Variants in UBQLN1 observed in about 807,000 individuals in gnomAD.
The protein encoded by UBQLN1 is ubiquilin-1.
Under a neutral mutation model 65.4 loss-of-function variants are expected in UBQLN1, and 13 were observed. The observed-to-expected ratio is 0.20, with a 90% CI of 0.13 to 0.32. UBQLN1 has a LOEUF of 0.32. Ranked by LOEUF, UBQLN1 falls within the 10% of genes least tolerant of loss-of-function variation. The probability of loss-of-function intolerance (pLI) is 1.00; values close to 1 mark genes in which losing one functional copy is unlikely to be tolerated. For synonymous variants in UBQLN1, 267 were observed against 247.8 expected, an observed-to-expected ratio of 1.08 and a Z score of -0.73; for missense variants, 561 against 724.0, an observed-to-expected ratio of 0.77 and a Z score of 2.58.
At chr9:83,705,246 C>CTTTT (rs57550660) in intron 1 of UBQLN1, among the ~76,000 whole-genome samples, 5 of 129,484 alleles carry the variant, frequency 3.9e-5, no homozygotes, top group African/African-American at 1.2e-4. Context: ...GCCAGCACTC[C>CTTTT]TTTTTTTTTT....
chr9:83,675,461 A>G (rs926875240), intron 6 of UBQLN1, among the ~76,000 whole-genome samples: 2 of 139,016 alleles, frequency 1.4e-5, no homozygotes, highest in African/African-American at 5.4e-5. Context: ...CAGACTTCCT[A>G]TGCCGTCAAA....
At chr9:83,707,235 G>C (rs1385233872) in intron 1 of UBQLN1, among the ~76,000 whole-genome samples, 7 of 152,174 alleles carry the variant, frequency 4.6e-5, no homozygotes, top group Non-Finnish European at 1.0e-4. Context: ...GGAGGAGGCT[G>C]AGGGTCGGCG....
intron 4 of UBQLN1, among the ~76,000 whole-genome samples, chr9:83,678,846 T>C (rs936651629): frequency 1.3e-5 from 2 of 152,082 alleles, no homozygotes; most frequent in African/African-American, 4.8e-5. Context: ...GCCTCCCGAG[T>C]AGCTGGGACT....
rs1009041542 is a variant in UBQLN1 at position 83,671,018 on chromosome 9, G to T, written c.1106-1691C>A. On this transcript the variant is annotated intron_variant, in intron 6 of 10. Transcript: ENST00000376395. Reference sequence around the variant, plus strand: ...CTTTTGTCACCCAGGCTGGAGTGAGGGGAGTGGCACGAACATAGCTCACTG... The same window carrying T: ...CTTTTGTCACCCAGGCTGGAGTGAGTGGAGTGGCACGAACATAGCTCACTG... 4.6e-5 allele frequency among the ~76,000 whole-genome samples: 7 copies of T among 152,186 alleles called. No homozygotes were observed. In the East Asian group the frequency reaches 5.8e-4, roughly 13 times the overall value.
chr9:83,678,751 T>C lies in UBQLN1; in HGVS notation c.712-152A>G, dbSNP rs534570373. On this transcript the variant is annotated intron_variant, in intron 4 of 10. Transcript: ENST00000376395. ...AATTTTTTTGAGACGGAGTCTTGCT[T>C]TGTCGCCCAGGCTGGAGTGCAGTGG... The C allele has an allele frequency of 1.4e-4, 123 of 861,266 alleles. 4 individuals are homozygous for C. In the South Asian group the frequency reaches 2.0e-3, roughly 14 times the overall value. The allele number at this position is 861,266 out of a possible 1,614,324, so 53.4% of individuals were successfully genotyped here.
In UBQLN1 at chr9:83,677,789, C is replaced by T; in HGVS notation, c.1043G>A (p.Ser348Asn). 1.2e-6 allele frequency: 2 copies of T among 1,614,206 alleles called. No homozygotes were observed. The highest frequency in any genetic ancestry group is 1.7e-6 in the Non-Finnish European group (2 of 1,180,038). ...CTGCCCAGAAGTGCCACTGGCAGTA[C>T]TACCAGTAGTGCCACCCACAGTGCT... ...TASTVGGTTGSTASGTSGQST... is the reference protein window; with the variant it reads ...TASTVGGTTGNTASGTSGQST... Residue 348 changes from serine to asparagine, a missense_variant, in exon 6 of 11, where the codon AGT becomes AAT. This residue lies in a region of UBQLN1 where 89 missense variants were observed against 77.8 expected (regional missense o/e 1.14). Coordinates refer to ENST00000376395, the MANE Select transcript of UBQLN1 (RefSeq NM_013438.5).
chr9:83,666,340 T>C lies in UBQLN1; in HGVS notation c.1332+10A>G, dbSNP rs771287654. 6.2e-7 allele frequency: 1 copy of C among 1,613,296 alleles called. No homozygotes were observed. The highest frequency in any genetic ancestry group is 8.5e-7 in the Non-Finnish European group (1 of 1,179,278). On this transcript the variant is annotated intron_variant, in intron 8 of 10. Transcript: ENST00000376395. ...ATTACCCAAGATAGCTAACATCTTG[T>C]CTTACTCACTTGTTGGAGGAAAGTT...
At chr9:83,661,972 A>G in intron 10 of UBQLN1, 33 bp from the exon 11 acceptor site, 1 of 1,594,900 alleles carries the variant, frequency 6.3e-7, no homozygotes, top group African/African-American at 1.4e-5. Context: ...ATCCAACTCT[A>G]AAGGAAGCCA....
chr9:83,686,756 A>C (rs78155052), intron 1 of UBQLN1, among the ~76,000 whole-genome samples: 1,776 of 152,240 alleles, frequency 0.012, 28 homozygotes, highest in African/African-American at 0.041. Context: ...AGTATCTCTA[A>C]TGCAAATACC....
At chr9:83,677,434 T>C (rs1587645976) in intron 6 of UBQLN1, among the ~76,000 whole-genome samples, 1 of 152,062 alleles carries the variant, frequency 6.6e-6, no homozygotes, top group South Asian at 2.1e-4. Context: ...TGGTGGCAGG[T>C]GCCTGTAATC....
intron 6 of UBQLN1, among the ~76,000 whole-genome samples, chr9:83,676,823 C>G (rs376599312): frequency 1.3e-5 from 2 of 152,186 alleles, no homozygotes; most frequent in African/African-American, 4.8e-5. Flanking sequence ...CCTACTTATA[C>G]GCCAAGTATT....
rs1390390110 is a variant in UBQLN1 at position 83,697,247 on chromosome 9, T to G, written c.180+10253A>C. On this transcript the variant is annotated intron_variant, in intron 1 of 10. Coordinates refer to ENST00000376395, the MANE Select transcript of UBQLN1 (RefSeq NM_013438.5). The stretch of plus-strand genomic sequence containing the variant: ...AATATGAGTCTCAGTATCTTCTGGT[T>G]TTTTTTTTTTTTTTTAAGACATAGG... Among the ~76,000 whole-genome samples the G allele has an allele frequency of 5.8e-5, 3 of 51,578 alleles. No individual in the cohort carries two copies. In the African/African-American group the frequency reaches 5.8e-4, roughly 10 times the overall value. The allele number at this position is 51,578 out of a possible 152,430, so 33.8% of individuals were successfully genotyped here.
chr9:83,678,749 C>T (rs1587647402), intron 4 of UBQLN1, 150 bp from the exon 5 acceptor site: 2 of 867,388 alleles, frequency 2.3e-6, no homozygotes, highest in East Asian at 2.6e-5. Context: ...CGGAGTCTTG[C>T]TTTGTCGCCC....
chr9:83,677,294 G>A (rs1181993080), intron 6 of UBQLN1, among the ~76,000 whole-genome samples: 8 of 152,176 alleles, frequency 5.3e-5, no homozygotes, highest in African/African-American at 1.9e-4. Context: ...CAGGTGCAGC[G>A]GCTCACACCT....
chr9:83,684,537 C>G (rs1832005787), intron 2 of UBQLN1, among the ~76,000 whole-genome samples: 1 of 151,994 alleles, frequency 6.6e-6, no homozygotes, highest in South Asian at 2.1e-4. Context: ...ATAAGCCAGA[C>G]AAGGTGGCTC....
chr9:83,680,641 T>A (rs1223377380), intron 3 of UBQLN1, among the ~76,000 whole-genome samples: 2 of 152,182 alleles, frequency 1.3e-5, no homozygotes, highest in African/African-American at 2.4e-5. Flanking sequence ...CCAACTTCCA[T>A]CCCCCACATA....
intron 6 of UBQLN1, among the ~76,000 whole-genome samples, chr9:83,669,549 C>T (rs1229970661): frequency 1.3e-5 from 2 of 152,162 alleles, no homozygotes; most frequent in Non-Finnish European, 2.9e-5. Flanking sequence ...AAACATTCTG[C>T]ATTTACAGTA....
Position 83,662,273 on chromosome 9 carries a change from T to TACACACACACAC in UBQLN1, c.1618-346_1618-335dup, listed in dbSNP as rs370539805. Among the ~76,000 whole-genome samples, 32 of 143,434 alleles carry TACACACACACAC rather than the reference T, an allele frequency of 2.2e-4. No individual in the cohort carries two copies. The East Asian group carries it at 2.3e-3, about 11-fold the overall frequency. 94.1% of individuals were successfully genotyped at this position (143,434 alleles called of 152,430 possible). A position where few individuals can be genotyped will look rare whatever the true frequency, so the allele number is the denominator to read the frequency against. On this transcript the variant is annotated intron_variant, in intron 10 of 10. Coordinates refer to ENST00000376395, the MANE Select transcript of UBQLN1 (RefSeq NM_013438.5). ...GTGTGTGTGTATATACATATACATA[T>TACACACACACAC]ACACACACACACACACACACACACA...
chr9:83,698,912 C>CA (rs34821277), intron 1 of UBQLN1, among the ~76,000 whole-genome samples: 27,937 of 113,148 alleles, frequency 0.25, 2,915 homozygotes, highest in Middle Eastern at 0.3. Context: ...AGACCTGTCT[C>CA]AAAAAAAAAA....
Sources: gnomAD v4.1 joint callset for allele counts (sites outside exome capture counted in the v4.1 genomes callset) on GRCh38, gnomAD v4.1.1 for gene constraint, gnomAD v4.1.1 regional missense constraint, MANE v1.5 for transcripts, NCBI Gene and HGNC (gene_info 2026-07-23, HGNC 2026-07-21) for gene names.